TPM1: variants seen among roughly 807,000 people sequenced by gnomAD.
The protein encoded by TPM1 is tropomyosin 1.
A neutral mutation model predicts 42.9 loss-of-function variants in TPM1; 24 were observed. The ratio of observed to expected loss-of-function variants is 0.56; its 90% CI spans 0.41 to 0.79. The LOEUF (loss-of-function observed/expected upper bound fraction) is 0.79. Among genes scored for constraint, TPM1 ranks in the 30% least tolerant of loss-of-function variants. The pLI, the probability that TPM1 is intolerant of heterozygous loss-of-function variation, is 0.00. For missense variants in TPM1, 158 were observed against 351.8 expected (o/e 0.45, Z 4.41); for synonymous variants, 136 against 130.1 (o/e 1.05, Z -0.31).
At chr15:63,069,102 G>A (rs1053744964), downstream of TPM1, among the ~76,000 whole-genome samples, 1 of 152,188 alleles carries the variant, frequency 6.6e-6, no homozygotes, top group African/African-American at 2.4e-5. Context: ...GCAGTGAGCT[G>A]AGATCACGCC....
downstream of TPM1, among the ~76,000 whole-genome samples, chr15:63,067,315 G>C (rs1484634901): frequency 6.6e-6 from 1 of 152,182 alleles, no homozygotes. Flanking sequence ...TGGAATTTTA[G>C]AATCTGGACA....
chr15:63,050,353 A>G (rs2033600699), intron 2 of TPM1, among the ~76,000 whole-genome samples: 1 of 152,144 alleles, frequency 6.6e-6, no homozygotes, highest in African/African-American at 2.4e-5. Flanking sequence ...GGCATGTTTG[A>G]TGGGTTAAAG....
chr15:63,049,107 C>T, intron 2 of TPM1: 1 of 237,728 alleles, frequency 4.2e-6, no homozygotes, highest in Non-Finnish European at 8.5e-6. Context: ...CTTGGAGATC[C>T]GTACTTTGAG....
At chr15:63,052,054 A>T (rs2033984976) in intron 2 of TPM1, among the ~76,000 whole-genome samples, 1 of 152,132 alleles carries the variant, frequency 6.6e-6, no homozygotes, top group African/African-American at 2.4e-5. Flanking sequence ...AGTACAGAGC[A>T]CCAGGAAGTT....
chr15:63,050,705 A>G (rs556241753), intron 2 of TPM1, among the ~76,000 whole-genome samples: 153 of 152,346 alleles, frequency 1.0e-3, no homozygotes, highest in African/African-American at 3.4e-3. Context: ...TAAGACAGCA[A>G]CTTGAAGACT....
chr15:63,070,599 G>A, downstream of TPM1: 1 of 1,007,412 alleles, frequency 9.9e-7, no homozygotes, highest in Non-Finnish European at 1.2e-6. Context: ...AATTTTTTAT[G>A]AGCAACAGAA....
chr15:63,066,894 CT>C (rs34798274), downstream of TPM1, among the ~76,000 whole-genome samples: 119,432 of 149,988 alleles, frequency 0.8, 47,657 homozygotes, highest in East Asian at 0.99. Context: ...ATGAAAGTTT[CT>C]TTTTTTTTTT....
intron 9 of TPM1, chr15:63,064,952 G>A (rs2036114234): frequency 4.1e-6 from 4 of 972,836 alleles, no homozygotes; most frequent in Non-Finnish European, 3.7e-6. Flanking sequence ...GGACGACAGA[G>A]CGAGACTCTG....
At chr15:63,060,598 T>C (rs1001614807) in intron 4 of TPM1, among the ~76,000 whole-genome samples, 1 of 152,246 alleles carries the variant, frequency 6.6e-6, no homozygotes, top group Non-Finnish European at 1.5e-5. Flanking sequence ...TTCCACATTT[T>C]GGTCTGGCTG....
intron 2 of TPM1, chr15:63,055,695 C>G (rs1182520999): frequency 6.6e-6 from 1 of 152,146 alleles, no homozygotes; most frequent in Non-Finnish European, 1.5e-5. Flanking sequence ...TAGAAAACTC[C>G]TAAGTGTTCT....
intron 2 of TPM1, among the ~76,000 whole-genome samples, chr15:63,051,204 G>A (rs986382709): frequency 6.6e-6 from 1 of 152,158 alleles, no homozygotes; most frequent in African/African-American, 2.4e-5. Context: ...TGGCCAGAAG[G>A]TTCTTAATTA....
At chr15:63,061,882 G>T in intron 6 of TPM1, 94 bp downstream of exon 6, 1 of 1,121,024 alleles carries the variant, frequency 8.9e-7, no homozygotes, top group Non-Finnish European at 1.3e-6. Flanking sequence ...AGACATTTTA[G>T]TAAAATGGCA....
At chr15:63,065,465 A>C (rs2036174319) in intron 9 of TPM1, 1 of 985,324 alleles carries the variant, frequency 1.0e-6, no homozygotes, top group African/African-American at 1.7e-5. Context: ...AAGCCTCTAG[A>C]GACATGACTG....
intron 2 of TPM1, 92 bp from the exon 3 acceptor site, chr15:63,056,893 A>G (rs1404076290): frequency 1.6e-5 from 25 of 1,563,280 alleles, no homozygotes; most frequent in Non-Finnish European, 2.2e-5. Flanking sequence ...CAGTCTTCCT[A>G]TCTGAAATCA....
intron 1 of TPM1, 179 bp from the exon 2 acceptor site, chr15:63,043,848 G>C (rs1192422801): frequency 1.3e-6 from 2 of 1,548,432 alleles, no homozygotes; most frequent in East Asian, 4.9e-5. Context: ...GGGGCGCGCG[G>C]CACGGCGTGG....
At chr15:63,071,320 A>G in exon 9 of TPM1, 1 of 915,514 alleles carries the variant, frequency 1.1e-6, no homozygotes, top group Non-Finnish European at 1.7e-6. Flanking sequence ...TGGGGAAAAC[A>G]CATACAAAAA....
At chr15:63,043,512 G>A (rs1157690099) in intron 1 of TPM1, 8 of 861,914 alleles carry the variant, frequency 9.3e-6, no homozygotes, top group Middle Eastern at 2.2e-4. Context: ...CTCGTCCCAG[G>A]GCAGGTGGGT....
intron 4 of TPM1, chr15:63,059,899 C>T (rs760219841): frequency 1.0e-5 from 4 of 389,650 alleles, no homozygotes; most frequent in Non-Finnish European, 2.0e-5. Flanking sequence ...AGTAGCACTG[C>T]GAAGAAGGAC....
At chr15:63,059,292 G>T (rs912601369) in intron 3 of TPM1, among the ~76,000 whole-genome samples, 9 of 152,170 alleles carry the variant, frequency 5.9e-5, no homozygotes, top group African/African-American at 2.2e-4. Flanking sequence ...TCCTGACGTG[G>T]TACCTTTCGT....
Sources: gnomAD v4.1 joint callset for allele counts (sites outside exome capture counted in the v4.1 genomes callset) on GRCh38, gnomAD v4.1.1 for gene constraint, MANE v1.5 for transcripts, NCBI Gene and HGNC (gene_info 2026-07-23, HGNC 2026-07-21) for gene names.